Variants in THSD4 observed in about 807,000 individuals in gnomAD.
THSD4 encodes thrombospondin type 1 domain containing 4.
A neutral mutation model predicts 119.0 loss-of-function variants in THSD4; 69 were observed. The ratio of observed to expected loss-of-function variants is 0.58; its 90% CI spans 0.48 to 0.71. The LOEUF (loss-of-function observed/expected upper bound fraction) is 0.71. Ranked by LOEUF, THSD4 falls within the 30% of genes least tolerant of loss-of-function variation. The probability of loss-of-function intolerance (pLI) is 0.00; values close to 1 mark genes in which losing one functional copy is unlikely to be tolerated. For missense variants in THSD4, 1,393 were observed against 1,391.1 expected (o/e 1.00, Z -0.02); for synonymous variants, 524 against 540.4 (o/e 0.97, Z 0.42).
chr15:71,575,982 G>T (rs1326160208), intron 7 of THSD4, among the ~76,000 whole-genome samples: 1 of 152,142 alleles, frequency 6.6e-6, no homozygotes, highest in East Asian at 1.9e-4. Flanking sequence ...AGTCTTACAT[G>T]AAGCTAAATT....
At chr15:71,754,079 CTTTT>C (rs5813663) in intron 14 of THSD4, among the ~76,000 whole-genome samples, 3 of 84,352 alleles carry the variant, frequency 3.6e-5, no homozygotes, top group East Asian at 3.5e-4. Flanking sequence ...ACCTTTTATT[CTTTT>C]TTTTTTTTTT....
intron 7 of THSD4, among the ~76,000 whole-genome samples, chr15:71,572,459 C>T (rs915609964): frequency 6.6e-6 from 1 of 152,160 alleles, no homozygotes; most frequent in African/African-American, 2.4e-5. Context: ...TTCTTCCCTG[C>T]ATGCTGGGAA....
chr15:71,660,300 T>G (rs1396725144), intron 7 of THSD4, among the ~76,000 whole-genome samples: 1 of 152,156 alleles, frequency 6.6e-6, no homozygotes, highest in Non-Finnish European at 1.5e-5. Flanking sequence ...CCCTACATCT[T>G]CCCTAGTCTT....
At position 71,211,829 on chromosome 15, in the gene THSD4, A is replaced by G. The variant is rs575772601; in HGVS notation, c.100-3206A>G. 2.6e-5 allele frequency among the ~76,000 whole-genome samples: 4 copies of G among 152,330 alleles called. No homozygotes were observed. The East Asian group carries it at 7.7e-4, about 29-fold the overall frequency. Reference sequence around the variant, plus strand: ...CAGTATGTATTGGGGACGGAGCAGCACGCTGGCAGGTTATAAAGCTTCGAG... The same window carrying G: ...CAGTATGTATTGGGGACGGAGCAGCGCGCTGGCAGGTTATAAAGCTTCGAG... On this transcript the variant is annotated intron_variant, in intron 3 of 17. Coordinates refer to ENST00000261862, the MANE Select transcript of THSD4 (RefSeq NM_024817.3).
chr15:71,247,346 G>A (rs1048993455), intron 5 of THSD4, among the ~76,000 whole-genome samples: 2 of 152,168 alleles, frequency 1.3e-5, no homozygotes, highest in African/African-American at 2.4e-5. Flanking sequence ...TAACATTGAC[G>A]TTGATTGCGT....
In THSD4 at chr15:71,779,686, G is replaced by A. The variant is rs777731602; in HGVS notation, c.*2312G>A. The A allele has an allele frequency of 1.3e-5, 2 of 152,128 alleles. No individual in the cohort carries two copies. Among genetic ancestry groups the A allele is most frequent in the Non-Finnish European group, 2.9e-5 (2 of 68,016 alleles). 9.4% of individuals were successfully genotyped at this position (152,128 alleles called of 1,614,324 possible). A position where few individuals can be genotyped will look rare whatever the true frequency, so the allele number is the denominator to read the frequency against. On this transcript the variant is annotated 3_prime_UTR_variant, in exon 18 of 18. Coordinates refer to ENST00000261862, the MANE Select transcript of THSD4 (RefSeq NM_024817.3). ...GTCAGTGATGGCTTTGTCTCTTTAT[G>A]TCTAAAGTGCCCTATGGCTGCTGAA...
chr15:71,691,152 A>G (rs1383537925), intron 8 of THSD4, among the ~76,000 whole-genome samples: 1 of 152,190 alleles, frequency 6.6e-6, no homozygotes, highest in African/African-American at 2.4e-5. Flanking sequence ...AGTGCAAGAA[A>G]TACAACTCTA....
intron 7 of THSD4, among the ~76,000 whole-genome samples, chr15:71,468,658 T>C (rs2047532767): frequency 2.0e-5 from 3 of 152,262 alleles, no homozygotes; most frequent in Non-Finnish European, 4.4e-5. Context: ...AAGGAGTTTA[T>C]TTCTGCCTCA....
intron 8 of THSD4, among the ~76,000 whole-genome samples, chr15:71,695,373 A>T (rs1195012418): frequency 2.0e-5 from 3 of 151,212 alleles, no homozygotes; most frequent in Admixed American, 6.6e-5. Context: ...GTGTGTGTGT[A>T]TGTATGTGTG....
chr15:71,228,522 G>A (rs533390838), intron 4 of THSD4, among the ~76,000 whole-genome samples: 5 of 152,214 alleles, frequency 3.3e-5, no homozygotes, highest in South Asian at 2.1e-4. Context: ...AGAAACTAAT[G>A]CACTGTAAGA....
At chr15:71,288,995 T>C (rs904793449) in intron 6 of THSD4, among the ~76,000 whole-genome samples, 1 of 152,204 alleles carries the variant, frequency 6.6e-6, no homozygotes, top group African/African-American at 2.4e-5. Context: ...CTCTATCTTT[T>C]AGGAAGATAG....
chr15:71,443,968 G>T (rs1371178052), intron 7 of THSD4, among the ~76,000 whole-genome samples: 1 of 152,190 alleles, frequency 6.6e-6, no homozygotes. Flanking sequence ...GCTTCTCAGT[G>T]GAAAATCTGT....
intron 4 of THSD4, among the ~76,000 whole-genome samples, chr15:71,232,516 C>G (rs1249525210): frequency 2.6e-5 from 4 of 151,896 alleles, no homozygotes; most frequent in African/African-American, 9.7e-5. Flanking sequence ...CCCGAGAGTA[C>G]TAACAGTGGG....
chr15:71,384,487 C>T (rs563076817), intron 6 of THSD4, among the ~76,000 whole-genome samples: 7 of 152,246 alleles, frequency 4.6e-5, no homozygotes, highest in African/African-American at 1.7e-4. Flanking sequence ...CCTTTATAAA[C>T]ACTTTATCCA....
chr15:71,111,114 T>A (rs939267254), upstream of THSD4: 1 of 1,573,742 alleles, frequency 6.4e-7, no homozygotes. Context: ...TATCTGGGAT[T>A]CCAAAAGTTG....
intron 7 of THSD4, among the ~76,000 whole-genome samples, chr15:71,533,201 C>A (rs1270697782): frequency 6.6e-6 from 1 of 152,188 alleles, no homozygotes; most frequent in African/African-American, 2.4e-5. Context: ...TTCGTTACTC[C>A]TTCTTATTAC....
chr15:71,446,191 TTAG>T (rs1267423069), intron 7 of THSD4, among the ~76,000 whole-genome samples: 1 of 152,226 alleles, frequency 6.6e-6, no homozygotes, highest in Admixed American at 6.5e-5. Flanking sequence ...AACTACCTCC[TTAG>T]TAGTTCTCTC....
At chr15:71,136,825 G>A (rs2040556393) in intron 1 of THSD4, among the ~76,000 whole-genome samples, 1 of 152,170 alleles carries the variant, frequency 6.6e-6, no homozygotes, top group Non-Finnish European at 1.5e-5. Flanking sequence ...GGGGCAGGAA[G>A]GATACTCAGA....
chr15:71,357,411 G>T (rs1283838779), intron 6 of THSD4, among the ~76,000 whole-genome samples: 1 of 152,176 alleles, frequency 6.6e-6, no homozygotes, highest in African/African-American at 2.4e-5. Flanking sequence ...GAGCTGACAG[G>T]CTCACTCTGC....
Sources: allele counts gnomAD v4.1 joint callset (sites outside exome capture counted in the v4.1 genomes callset), GRCh38; gene constraint gnomAD v4.1.1; transcripts MANE v1.5; gene names NCBI Gene and HGNC (gene_info 2026-07-23, HGNC 2026-07-21).